HACE1: variants seen among roughly 807,000 people sequenced by gnomAD.
HACE1 encodes the protein HECT domain and ankyrin repeat containing E3 ubiquitin protein ligase 1, also known as E3 ubiquitin-protein ligase HACE1.
Under a neutral mutation model 118.4 loss-of-function variants are expected in HACE1, and 73 were observed. That is an observed-to-expected ratio of 0.62 (90% confidence interval 0.51 to 0.75). The LOEUF is 0.75. Among genes scored for constraint, HACE1 ranks in the 30% least tolerant of loss-of-function variants. The pLI is 0.00. For missense variants in HACE1, 749 were observed against 1,102.2 expected, an observed-to-expected ratio of 0.68 and a Z score of 4.54; for synonymous variants, 368 against 374.8, an observed-to-expected ratio of 0.98 and a Z score of 0.21.
At chr6:104,730,443 T>C (rs753442722) in intron 22 of HACE1, 27 bp from the exon 23 acceptor site, 2 of 1,009,332 alleles carry the variant, frequency 2.0e-6, no homozygotes, top group Non-Finnish European at 1.6e-6. Context: ...TAATACATTG[T>C]AATCATGAAA....
intron 22 of HACE1, among the ~76,000 whole-genome samples, chr6:104,739,475 T>C (rs994672931): frequency 2.0e-5 from 3 of 151,922 alleles, no homozygotes; most frequent in Non-Finnish European, 4.4e-5. Context: ...GAGGATGATC[T>C]ACCAAGCAAA....
intron 11 of HACE1, 172 bp from the exon 12 acceptor site, chr6:104,785,491 A>G (rs1782288834): frequency 8.6e-6 from 5 of 583,022 alleles, no homozygotes; most frequent in Non-Finnish European, 1.5e-5. Context: ...AAAATTATAC[A>G]AATGCTACAT....
At chr6:104,805,079 T>C (rs1451904894) in intron 7 of HACE1, among the ~76,000 whole-genome samples, 46 of 152,128 alleles carry the variant, frequency 3.0e-4, no homozygotes, top group Non-Finnish European at 1.5e-5. Flanking sequence ...AAGAAGACAA[T>C]TATGCAACCA....
chr6:104,815,719 T>C (rs917426151), intron 6 of HACE1, among the ~76,000 whole-genome samples: 2 of 138,614 alleles, frequency 1.4e-5, no homozygotes, highest in South Asian at 4.4e-4. Context: ...TGGCTTATTC[T>C]GAAAGCATTC....
intron 5 of HACE1, among the ~76,000 whole-genome samples, chr6:104,835,577 C>T (rs1457281184): frequency 6.6e-6 from 1 of 151,856 alleles, no homozygotes; most frequent in African/African-American, 2.4e-5. Flanking sequence ...AATTAAAGGG[C>T]TAGTGTGAAT....
At chr6:104,840,556 C>T (rs551001331) in intron 5 of HACE1, among the ~76,000 whole-genome samples, 17 of 152,122 alleles carry the variant, frequency 1.1e-4, no homozygotes, top group South Asian at 2.1e-4. Flanking sequence ...AGGCCCGTCG[C>T]GGTGGCTCAC....
At position 104,789,317 on chromosome 6, in the gene HACE1, T is replaced by C. The variant is rs565384102; in HGVS notation, c.1074+2187A>G. ...ACTAGCTGAGTTTTACAATTAGTGT[T>C]TTACAAAATGGAAGTTCAAAATTTA... On this transcript the variant is annotated intron_variant, in intron 11 of 23. Transcript: ENST00000262903. Among the ~76,000 whole-genome samples the C allele has an allele frequency of 1.3e-3, 194 of 152,216 alleles. 2 individuals carry two copies. The highest frequency in any genetic ancestry group is 4.0e-3 in the Admixed American group (61 of 15,294).
intron 22 of HACE1, chr6:104,730,661 T>C: frequency 2.1e-6 from 1 of 468,488 alleles, no homozygotes; most frequent in Non-Finnish European, 3.9e-6. Flanking sequence ...CCACAGCACA[T>C]ACCTCAATAT....
intron 19 of HACE1, among the ~76,000 whole-genome samples, chr6:104,767,211 T>C (rs1356284977): frequency 1.4e-4 from 22 of 152,150 alleles, no homozygotes; most frequent in Admixed American, 1.4e-3. Flanking sequence ...AAAAACAGAA[T>C]TAATGATAAT....
chr6:104,796,977 T>C lies in HACE1; in HGVS notation c.666A>G (p.Lys222=), dbSNP rs1167798342. 2.5e-6 allele frequency: 4 copies of C among 1,605,184 alleles called. No individual in the cohort carries two copies. Among genetic ancestry groups the C allele is most frequent in the Non-Finnish European group, 1.7e-6 (2 of 1,172,132 alleles). Residue 222 remains lysine, a synonymous_variant, in exon 8 of 24, where the codon AAA becomes AAG. Transcript: ENST00000262903. ...TTACTCCATTTTTATCTGGCAGATA[T>C]TTGGCTCCTCGTAATAGTAGGATCT... ...TAQILLLRGA[K]YLPDKNGVTP...
chr6:104,804,665 C>G (rs1026056536), intron 7 of HACE1, among the ~76,000 whole-genome samples: 4 of 152,130 alleles, frequency 2.6e-5, no homozygotes, highest in African/African-American at 9.7e-5. Flanking sequence ...ATGTAGAAAG[C>G]TGAAACTGGA....
At chr6:104,828,517 A>G (rs9391246) in intron 6 of HACE1, among the ~76,000 whole-genome samples, 26,346 of 151,832 alleles carry the variant, frequency 0.17, 2,467 homozygotes, top group African/African-American at 0.25. Context: ...ATGGAGTTTA[A>G]CAGTTGATCT....
chr6:104,831,984 A>AGAAGAG (rs201781305), intron 6 of HACE1, among the ~76,000 whole-genome samples: 1,272 of 57,126 alleles, frequency 0.022, 9 homozygotes, highest in East Asian at 0.042. Flanking sequence ...AGAAGAGAGG[A>AGAAGAG]AGGAAGGAAG....
chr6:104,750,733 C>T (rs7775573), intron 19 of HACE1, among the ~76,000 whole-genome samples: 31,205 of 151,990 alleles, frequency 0.21, 3,846 homozygotes, highest in African/African-American at 0.36. Context: ...CTCAATCTTA[C>T]CTTGTCTCAC....
At chr6:104,844,864 A>T (rs1223267607) in intron 4 of HACE1, among the ~76,000 whole-genome samples, 1 of 150,814 alleles carries the variant, frequency 6.6e-6, no homozygotes, top group Non-Finnish European at 1.5e-5. Context: ...GGGTTTCACC[A>T]CGTTGGCCAG....
At chr6:104,798,763 G>A (rs1769975736) in intron 7 of HACE1, among the ~76,000 whole-genome samples, 1 of 152,210 alleles carries the variant, frequency 6.6e-6, no homozygotes, top group South Asian at 2.1e-4. Flanking sequence ...CAAGTGAAAA[G>A]CAACTAACTT....
Position 104,852,339 on chromosome 6 carries a change from T to C in HACE1, c.109A>G (p.Met37Val), listed in dbSNP as rs1287281381. 3.7e-6 allele frequency: 6 copies of C among 1,609,798 alleles called. No homozygotes were observed. The highest frequency in any genetic ancestry group is 1.3e-5 in the African/African-American group (1 of 74,738). Residue 37 changes from methionine to valine, a missense_variant, in exon 2 of 24, where the codon ATG (methionine) becomes GTG (valine). Coordinates refer to ENST00000262903, the MANE Select transcript of HACE1 (RefSeq NM_020771.4). Reference protein sequence around the residue: ...NETAVYTLMPMVMADQHRSVS... With the variant: ...NETAVYTLMPVVMADQHRSVS... ...CACCTGTGTTGATCAGCCATAACCA[T>C]TGGCATTAATGTATAAACAGCAGTT...
chr6:104,735,671 A>G (rs1228570724), intron 22 of HACE1, among the ~76,000 whole-genome samples: 1 of 152,136 alleles, frequency 6.6e-6, no homozygotes, highest in African/African-American at 2.4e-5. Flanking sequence ...CTGTGCTGAT[A>G]AAAGGAGTAC....
intron 7 of HACE1, among the ~76,000 whole-genome samples, chr6:104,804,827 G>A (rs893853931): frequency 4.6e-5 from 7 of 152,156 alleles, no homozygotes; most frequent in Non-Finnish European, 1.0e-4. Flanking sequence ...AACACCAAAT[G>A]CAATGGCAAC....
Sources: gnomAD v4.1 joint callset for allele counts (sites outside exome capture counted in the v4.1 genomes callset) on GRCh38, gnomAD v4.1.1 for gene constraint, MANE v1.5 for transcripts, NCBI Gene and HGNC (gene_info 2026-07-23, HGNC 2026-07-21) for gene names.